The following CDH10 variants were observed in gnomAD, a reference collection of about 807,000 sequenced individuals.
The protein encoded by CDH10 is cadherin 10.
CDH10 carries 30 observed loss-of-function variants against 73.1 expected under a neutral mutation model. The observed-to-expected ratio is 0.41, with a 90% CI of 0.31 to 0.56. The LOEUF is 0.56. Among genes scored for constraint, CDH10 ranks in the 20% least tolerant of loss-of-function variants. The pLI, the probability that CDH10 is intolerant of heterozygous loss-of-function variation, is 0.27. For synonymous variants in CDH10, 345 were observed against 348.2 expected (o/e 0.99, Z 0.10); for missense variants, 815 against 973.7 (o/e 0.84, Z 2.17).
intron 2 of CDH10, 99 bp from the exon 3 acceptor site, chr5:24,537,773 C>A: frequency 2.9e-6 from 2 of 690,282 alleles, no homozygotes; most frequent in Non-Finnish European, 4.8e-6. Context: ...CACTGAGCAA[C>A]GGGGTCGGCT....
chr5:24,644,189 T>G (rs555767377), intron 1 of CDH10, among the ~76,000 whole-genome samples: 1 of 152,154 alleles, frequency 6.6e-6, no homozygotes, highest in African/African-American at 2.4e-5. Context: ...TGCAAAGTAA[T>G]GTTAGATGAT....
chr5:24,505,358 C>T (rs973397296), intron 7 of CDH10, 110 bp from the exon 8 acceptor site: 2 of 824,102 alleles, frequency 2.4e-6, no homozygotes, highest in Non-Finnish European at 2.0e-6. Context: ...GGAAAGAACA[C>T]AGTGCTGATC....
At chr5:24,592,744 G>T (rs1455465328) in intron 2 of CDH10, among the ~76,000 whole-genome samples, 3 of 151,510 alleles carry the variant, frequency 2.0e-5, no homozygotes. Flanking sequence ...TGTGACCTAA[G>T]AAAAATAAAT....
intron 5 of CDH10, among the ~76,000 whole-genome samples, chr5:24,519,395 CCTT>C (rs1349426333): frequency 6.6e-6 from 1 of 151,984 alleles, no homozygotes; most frequent in African/African-American, 2.4e-5. Flanking sequence ...CAAACTAAAA[CCTT>C]CTATAAAATA....
At position 24,593,514 on chromosome 5, in the gene CDH10, G is replaced by A. The variant is rs2112094842; in HGVS notation, c.-24C>T. 7.4e-7 allele frequency: 1 copy of A among 1,345,200 alleles called. No homozygotes were observed. The highest frequency in any genetic ancestry group is 1.1e-6 in the Non-Finnish European group (1 of 936,440). 83.3% of individuals were successfully genotyped at this position (1,345,200 alleles called of 1,614,324 possible). On this transcript the variant is annotated 5_prime_UTR_variant, in exon 2 of 12. Coordinates refer to ENST00000264463, the MANE Select transcript of CDH10 (RefSeq NM_006727.5). ...ATAGTTCACTTCTTGACAAATCCCAGTGTAGATGAAGAGAAGTGGTCCTAT... is the reference window on the plus strand; with the variant it reads ...ATAGTTCACTTCTTGACAAATCCCAATGTAGATGAAGAGAAGTGGTCCTAT...
chr5:24,604,681 T>C (rs544838931), intron 1 of CDH10, among the ~76,000 whole-genome samples: 1 of 152,182 alleles, frequency 6.6e-6, no homozygotes, highest in South Asian at 2.1e-4. Context: ...AAGACCAGCC[T>C]AACCAACACG....
intron 5 of CDH10, among the ~76,000 whole-genome samples, chr5:24,512,134 C>T (rs1287234141): frequency 6.6e-6 from 1 of 152,030 alleles, no homozygotes; most frequent in Non-Finnish European, 1.5e-5. Context: ...TACCCCTGAA[C>T]CTAAAATAAA....
At chr5:24,596,699 T>C (rs1483620440) in intron 1 of CDH10, among the ~76,000 whole-genome samples, 2 of 151,988 alleles carry the variant, frequency 1.3e-5, no homozygotes, top group African/African-American at 4.8e-5. Flanking sequence ...ACTTCTTATA[T>C]GTATAAACTA....
intron 11 of CDH10, among the ~76,000 whole-genome samples, chr5:24,490,078 A>T (rs564360985): frequency 6.6e-6 from 1 of 152,138 alleles, no homozygotes; most frequent in East Asian, 1.9e-4. Flanking sequence ...CAAAGTGCCA[A>T]TGAGAGTCTG....
At chr5:24,516,818 A>G (rs764381664) in intron 5 of CDH10, among the ~76,000 whole-genome samples, 1 of 151,660 alleles carries the variant, frequency 6.6e-6, no homozygotes, top group South Asian at 2.1e-4. Context: ...CTCAAATCAA[A>G]CAAGTTTCCA....
chr5:24,612,692 T>C (rs977889999), intron 1 of CDH10: 12 of 152,200 alleles, frequency 7.9e-5, no homozygotes, highest in Non-Finnish European at 1.5e-4. Context: ...CTCAGGTTTA[T>C]ATACATAATT....
At chr5:24,559,548 G>T (rs1201185937) in intron 2 of CDH10, among the ~76,000 whole-genome samples, 1 of 151,974 alleles carries the variant, frequency 6.6e-6, no homozygotes, top group Non-Finnish European at 1.5e-5. Flanking sequence ...TATGGGAAGA[G>T]AAAATTGAAA....
At chr5:24,610,035 C>A (rs755615620) in intron 1 of CDH10, 4 of 152,224 alleles carry the variant, frequency 2.6e-5, no homozygotes, top group African/African-American at 4.8e-5. Flanking sequence ...TCGCATATGG[C>A]AAGGAGGCCC....
In CDH10 at chr5:24,535,203, G is replaced by A. The variant is rs1743906762; in HGVS notation, c.723C>T (p.Asp241=). 6.2e-7 allele frequency: 1 copy of A among 1,613,518 alleles called. No homozygotes were observed. The highest frequency in any genetic ancestry group is 8.5e-7 in the Non-Finnish European group (1 of 1,179,650). ...EQYQVVIQAK[D]MGGQMGGLSG... ...ATAAGCCTCCCATCTGGCCGCCCAT[G>A]TCTTTGGCCTGGATGACCACTTGGT... The change falls in exon 5 of 12, where the codon GAC becomes GAT. Residue 241 remains aspartate, a synonymous_variant. Transcript: ENST00000264463.
intron 2 of CDH10, among the ~76,000 whole-genome samples, chr5:24,553,446 C>T (rs1047096209): frequency 1.3e-5 from 2 of 152,196 alleles, no homozygotes; most frequent in Non-Finnish European, 2.9e-5. Flanking sequence ...AGATATTCAT[C>T]CTCCTGGCTT....
intron 8 of CDH10, among the ~76,000 whole-genome samples, chr5:24,504,813 C>T (rs970308163): frequency 2.0e-5 from 3 of 151,742 alleles, no homozygotes; most frequent in Non-Finnish European, 2.9e-5. Context: ...CGTGAGCCAC[C>T]GTGCCCGGCC....
intron 2 of CDH10, among the ~76,000 whole-genome samples, chr5:24,546,999 T>C (rs541645144): frequency 6.6e-6 from 1 of 152,294 alleles, no homozygotes; most frequent in African/African-American, 2.4e-5. Flanking sequence ...GTTAAAAGTA[T>C]AAATCTGCAC....
chr5:24,641,450 A>T (rs1326547556), intron 1 of CDH10, among the ~76,000 whole-genome samples: 1 of 152,046 alleles, frequency 6.6e-6, no homozygotes, highest in Non-Finnish European at 1.5e-5. Flanking sequence ...GAAAGGAAAA[A>T]GGCAGATTTT....
chr5:24,535,737 T>C lies in CDH10; in HGVS notation c.612A>G (p.Gln204=), dbSNP rs1431680632. The change falls in exon 4 of 12, where the codon CAA becomes CAG. Residue 204 remains glutamine (Q), a synonymous_variant. Transcript: ENST00000264463. ...NSARVIYSIL[Q]GQPYFSVEPE... ...GCTCCACAGAGAAATAGGGCTGCCC[T>C]TGAAGTATGCTGTAAATGACTCTGG... 8.1e-6 allele frequency: 13 copies of C among 1,611,522 alleles called. No homozygotes were observed. The Admixed American group carries it at 1.5e-4, about 19-fold the overall frequency.
Sources: allele counts gnomAD v4.1 joint callset (sites outside exome capture counted in the v4.1 genomes callset), GRCh38; gene constraint gnomAD v4.1.1; transcripts MANE v1.5; gene names NCBI Gene and HGNC (gene_info 2026-07-23, HGNC 2026-07-21).